Variants in PAIP2B observed in about 807,000 individuals in gnomAD.
The protein encoded by PAIP2B is polyadenylate-binding protein-interacting protein 2B.
PAIP2B carries 13 observed loss-of-function variants against 17.0 expected under a neutral mutation model. The observed-to-expected ratio is 0.76, with a 90% confidence interval of 0.50 to 1.22. PAIP2B has a LOEUF of 1.22. Ranked by LOEUF, PAIP2B falls within the 50% of genes most tolerant of loss-of-function variation. The pLI, the probability that PAIP2B is intolerant of heterozygous loss-of-function variation, is 0.00. For missense variants in PAIP2B, 117 were observed against 144.5 expected, an observed-to-expected ratio of 0.81 and a Z score of 0.98; for synonymous variants, 43 against 48.7, an observed-to-expected ratio of 0.88 and a Z score of 0.48.
intron 1 of PAIP2B, among the ~76,000 whole-genome samples, chr2:71,215,932 C>T (rs1412677746): frequency 1.3e-5 from 2 of 152,074 alleles, no homozygotes; most frequent in Admixed American, 6.6e-5. Context: ...TTGATTTTGG[C>T]CTTGATTTTT....
chr2:71,198,348 C>T (rs996851966), intron 2 of PAIP2B, among the ~76,000 whole-genome samples: 38 of 148,978 alleles, frequency 2.6e-4, no homozygotes, highest in East Asian at 9.9e-4. Flanking sequence ...TGCAGTGGCG[C>T]GATCTCGGCT....
chr2:71,208,056 G>A (rs1009364065), intron 1 of PAIP2B, among the ~76,000 whole-genome samples: 1 of 152,102 alleles, frequency 6.6e-6, no homozygotes, highest in African/African-American at 2.4e-5. Context: ...AGAAGATACT[G>A]CCTATGGAGA....
rs571561136 is a variant in PAIP2B at position 71,215,825 on chromosome 2, T to C, written c.-12+11103A>G. On this transcript the variant is annotated intron_variant, in intron 1 of 3. Transcript: ENST00000244221. ...ACAATAAATAAAACTTTAAAAAATA[T>C]ATTTGTGTGTACTTTATATATCTGT... 3.0e-4 allele frequency among the ~76,000 whole-genome samples: 45 copies of C among 152,358 alleles called. 1 individual carries two copies. In the South Asian group the frequency reaches 8.5e-3, roughly 29 times the overall value.
At chr2:71,217,371 G>C (rs1473941654) in intron 1 of PAIP2B, among the ~76,000 whole-genome samples, 1 of 152,182 alleles carries the variant, frequency 6.6e-6, no homozygotes, top group Non-Finnish European at 1.5e-5. Flanking sequence ...TCAAACTCCT[G>C]ACCTCAGGTG....
At chr2:71,200,993 C>T (rs912126985) in intron 2 of PAIP2B, among the ~76,000 whole-genome samples, 18 of 138,306 alleles carry the variant, frequency 1.3e-4, no homozygotes, top group African/African-American at 4.7e-4. Context: ...TTTCCTCAAT[C>T]TCTTTGTGTG....
rs1421465528 is a variant in PAIP2B, at chr2:71,187,448, G to A, written c.*1031C>T. The stretch of plus-strand genomic sequence containing the variant: ...ATGTGGGAAGAAATATCCAAACTGT[G>A]AACTGAGCTTCTTACTAGTGTCCTG... On this transcript the variant is annotated 3_prime_UTR_variant, in exon 4 of 4. Transcript: ENST00000244221. 1.3e-5 allele frequency: 2 copies of A among 152,166 alleles called. No homozygotes were observed. Among genetic ancestry groups the A allele is most frequent in the African/African-American group, 2.4e-5 (1 of 41,436 alleles). 9.4% of individuals were successfully genotyped at this position (152,166 alleles called of 1,614,324 possible). A position where few individuals can be genotyped will look rare whatever the true frequency, so the allele number is the denominator to read the frequency against.
chr2:71,202,398 A>T, intron 2 of PAIP2B, 54 bp downstream of exon 2: 1 of 1,585,626 alleles, frequency 6.3e-7, no homozygotes, highest in Non-Finnish European at 8.6e-7. Context: ...AAAATATTAT[A>T]GCTGTTGAGT....
chr2:71,213,543 C>T (rs1275413793), intron 1 of PAIP2B, among the ~76,000 whole-genome samples: 2 of 152,116 alleles, frequency 1.3e-5, no homozygotes, highest in African/African-American at 4.8e-5. Flanking sequence ...AAGAAAAAGT[C>T]GAGTCGTACA....
At chr2:71,211,463 A>G (rs1396429692) in intron 1 of PAIP2B, among the ~76,000 whole-genome samples, 1 of 152,176 alleles carries the variant, frequency 6.6e-6, no homozygotes, top group Non-Finnish European at 1.5e-5. Context: ...ATATATAGAA[A>G]GACTAAAGAC....
chr2:71,188,431 T>G lies in PAIP2B; in HGVS notation c.*48A>C. On this transcript the variant is annotated 3_prime_UTR_variant, in exon 4 of 4. Coordinates refer to ENST00000244221, the MANE Select transcript of PAIP2B (RefSeq NM_020459.1). The stretch of plus-strand genomic sequence containing the variant: ...TCAGCTCCACCATTTTGTGCATTAC[T>G]ATCCCCAGATGTGGGGACAGACAAG... 7.6e-7 allele frequency: 1 copy of G among 1,315,368 alleles called. No individual in the cohort carries two copies. Among genetic ancestry groups the G allele is most frequent in the Non-Finnish European group, 1.1e-6 (1 of 949,916 alleles). 81.5% of individuals were successfully genotyped at this position (1,315,368 alleles called of 1,614,324 possible).
intron 1 of PAIP2B, among the ~76,000 whole-genome samples, chr2:71,215,723 T>C (rs1414803860): frequency 6.6e-6 from 1 of 152,228 alleles, no homozygotes; most frequent in African/African-American, 2.4e-5. Flanking sequence ...CCACAGTTTC[T>C]TTTCTCTTCA....
intron 1 of PAIP2B, among the ~76,000 whole-genome samples, chr2:71,214,024 T>G (rs889765357): frequency 2.6e-5 from 4 of 152,190 alleles, no homozygotes; most frequent in African/African-American, 9.6e-5. Flanking sequence ...AAAATTTTTT[T>G]AGAGACAGGT....
intron 1 of PAIP2B, among the ~76,000 whole-genome samples, chr2:71,212,165 C>G (rs941512650): frequency 6.6e-5 from 10 of 152,196 alleles, no homozygotes; most frequent in Non-Finnish European, 1.3e-4. Context: ...ACATTTCAGA[C>G]TGATGTGATG....
rs1674565283 is a variant in PAIP2B, at chr2:71,187,296, G to A, written c.*1183C>T. On this transcript the variant is annotated 3_prime_UTR_variant, in exon 4 of 4. Coordinates refer to ENST00000244221, the MANE Select transcript of PAIP2B (RefSeq NM_020459.1). ...GTCAATCTACAAAACTTGCAAAGCT[G>A]GGTATGTGGGAACAGTAAAATGTTT... The A allele has an allele frequency of 6.6e-6, 1 of 152,178 alleles. No individual in the cohort carries two copies. The highest frequency in any genetic ancestry group is 2.4e-5 in the African/African-American group (1 of 41,420). The allele number at this position is 152,178 out of a possible 1,614,324, so 9.4% of individuals were successfully genotyped here.
chr2:71,195,646 G>GT (rs987208603), intron 2 of PAIP2B, among the ~76,000 whole-genome samples: 4 of 151,912 alleles, frequency 2.6e-5, no homozygotes, highest in African/African-American at 7.3e-5. Flanking sequence ...TATTTCATTA[G>GT]TTTTTTTCTT....
In PAIP2B at chr2:71,202,322, C is replaced by A. The variant is rs142778190; in HGVS notation, c.138+130G>T. The stretch of plus-strand genomic sequence containing the variant: ...CTTGGTCATTCCAGATGAGGCCCCC[C>A]ACCAATGAATTTTTAAGTTATTCTA... On this transcript the variant is annotated intron_variant, in intron 2 of 3. Coordinates refer to ENST00000244221, the MANE Select transcript of PAIP2B (RefSeq NM_020459.1). 9.7e-4 allele frequency: 1,151 copies of A among 1,186,328 alleles called. 7 individuals are homozygous for A. The African/African-American group carries it at 0.016, about 16-fold the overall frequency. 73.5% of individuals were successfully genotyped at this position (1,186,328 alleles called of 1,614,324 possible).
At chr2:71,201,010 T>G (rs771022921) in intron 2 of PAIP2B, among the ~76,000 whole-genome samples, 3 of 7,608 alleles carry the variant, frequency 3.9e-4, no homozygotes, top group Non-Finnish European at 5.8e-4. Context: ...TGTGTGTGGG[T>G]GTGTGTGTGT....
intron 2 of PAIP2B, among the ~76,000 whole-genome samples, chr2:71,191,890 G>A (rs1010287192): frequency 1.3e-5 from 2 of 152,148 alleles, no homozygotes; most frequent in Admixed American, 6.5e-5. Flanking sequence ...ATAAAACAAT[G>A]CGTTACTGCT....
At chr2:71,217,535 A>G (rs1675459397) in intron 1 of PAIP2B, among the ~76,000 whole-genome samples, 4 of 152,172 alleles carry the variant, frequency 2.6e-5, no homozygotes, top group African/African-American at 9.7e-5. Context: ...AGAATACTCC[A>G]TTCTTTCAAA....
Sources: allele counts gnomAD v4.1 joint callset (sites outside exome capture counted in the v4.1 genomes callset), GRCh38; gene constraint gnomAD v4.1.1; transcripts MANE v1.5; gene names NCBI Gene and HGNC (gene_info 2026-07-23, HGNC 2026-07-21).